The following PRRX2 variants were observed in gnomAD, a reference collection of about 807,000 sequenced individuals.
The protein encoded by PRRX2 is paired mesoderm homeobox protein 2.
Under a neutral mutation model 18.0 loss-of-function variants are expected in PRRX2, and 11 were observed. The ratio of observed to expected loss-of-function variants is 0.61; its 90% CI spans 0.39 to 1.01. The LOEUF (loss-of-function observed/expected upper bound fraction) is 1.01. PRRX2 is among the 50% of genes least tolerant of loss of function. PRRX2 has a pLI of 0.01. For missense variants in PRRX2, 387 were observed against 351.0 expected, an observed-to-expected ratio of 1.10 and a Z score of -0.82; for synonymous variants, 177 against 154.8, an observed-to-expected ratio of 1.14 and a Z score of -1.06.
intron 1 of PRRX2, among the ~76,000 whole-genome samples, chr9:129,669,009 T>A (rs1262511006): frequency 2.0e-5 from 3 of 149,304 alleles, no homozygotes. Flanking sequence ...TAGTCAGGTG[T>A]GGTGACAGAC....
intron 1 of PRRX2, among the ~76,000 whole-genome samples, chr9:129,676,617 C>G (rs1832164769): frequency 6.6e-6 from 1 of 152,198 alleles, no homozygotes; most frequent in Non-Finnish European, 1.5e-5. Context: ...CCCCTGCCCT[C>G]AGACGGCTTC....
intron 3 of PRRX2, among the ~76,000 whole-genome samples, chr9:129,721,239 C>T (rs900204175): frequency 1.1e-4 from 17 of 152,174 alleles, no homozygotes; most frequent in South Asian, 6.2e-4. Flanking sequence ...ACCCTCCAGA[C>T]GAGAAACTGA....
At chr9:129,719,934 C>G (rs1415490543) in intron 2 of PRRX2, among the ~76,000 whole-genome samples, 1 of 152,200 alleles carries the variant, frequency 6.6e-6, no homozygotes, top group Non-Finnish European at 1.5e-5. Context: ...TTGCAGTAAG[C>G]TGAGATTGCG....
chr9:129,698,257 C>CGGG (rs56233939), intron 1 of PRRX2, among the ~76,000 whole-genome samples: 26 of 20,580 alleles, frequency 1.3e-3, no homozygotes, highest in South Asian at 2.4e-3. Flanking sequence ...TTGGATGGGG[C>CGGG]GGGGGGGGGG....
intron 1 of PRRX2, among the ~76,000 whole-genome samples, chr9:129,718,986 C>T (rs1422519369): frequency 6.6e-6 from 1 of 152,146 alleles, no homozygotes; most frequent in Non-Finnish European, 1.5e-5. Flanking sequence ...GGTGTGGCTG[C>T]TTTTGTTCTC....
At chr9:129,673,471 C>T (rs1037664223) in intron 1 of PRRX2, among the ~76,000 whole-genome samples, 7 of 152,036 alleles carry the variant, frequency 4.6e-5, no homozygotes, top group Non-Finnish European at 5.9e-5. Flanking sequence ...AATAAAAAAA[C>T]GAAACAAACA....
At chr9:129,674,756 CCCAG>C in intron 1 of PRRX2, among the ~76,000 whole-genome samples, 4 of 152,154 alleles carry the variant, frequency 2.6e-5, no homozygotes, top group Non-Finnish European at 5.9e-5. Context: ...CCTCGCCTTG[CCCAG>C]CTCTACAGCT....
rs115894491 is a variant in PRRX2, at chr9:129,715,440, A to G, written c.260-3791A>G. On this transcript the variant is annotated intron_variant, in intron 1 of 3. Coordinates refer to ENST00000372469, the MANE Select transcript of PRRX2 (RefSeq NM_016307.4). The surrounding 1 kb of genome is among the most constrained non-coding windows in gnomAD (Gnocchi z 4.0). Reference sequence around the variant, plus strand: ...GACCTCATCTCTACATTAAAATAAAAATCAGCTGGGCATGGTGGCAGGCAC... The same window carrying G: ...GACCTCATCTCTACATTAAAATAAAGATCAGCTGGGCATGGTGGCAGGCAC... Among the ~76,000 whole-genome samples, 4,163 of 152,086 alleles carry G rather than the reference A, an allele frequency of 0.027. 304 individuals carry two copies. In the East Asian group the frequency reaches 0.3, roughly 11 times the overall value.
rs532334923 is a variant in PRRX2, at chr9:129,695,505, T to G, written c.260-23726T>G. Reference sequence around the variant, plus strand: ...GTTTTTATACACCCCACAGCCTTGTTGTGTTTACCCCCTTTTCAGGCCTGC... The same window carrying G: ...GTTTTTATACACCCCACAGCCTTGTGGTGTTTACCCCCTTTTCAGGCCTGC... On this transcript the variant is annotated intron_variant, in intron 1 of 3. Coordinates refer to ENST00000372469, the MANE Select transcript of PRRX2 (RefSeq NM_016307.4). This position sits in a 1 kb window ranked among gnomAD's most constrained non-coding sequence, Gnocchi z 4.8. Among the ~76,000 whole-genome samples the G allele has an allele frequency of 6.6e-6, 1 of 152,326 alleles. No homozygotes were observed. The highest frequency in any genetic ancestry group is 1.9e-4 in the East Asian group (1 of 5,176).
intron 1 of PRRX2, among the ~76,000 whole-genome samples, chr9:129,686,578 C>T (rs1443891127): frequency 6.6e-6 from 1 of 152,140 alleles, no homozygotes; most frequent in Non-Finnish European, 1.5e-5. Context: ...AGTGATTCTC[C>T]CACCTCAGCC....
Position 129,722,510 on chromosome 9 carries a change from G to C in PRRX2, c.*158G>C. 1.3e-6 allele frequency: 1 copy of C among 776,116 alleles called. No individual in the cohort carries two copies. The highest frequency in any genetic ancestry group is 1.8e-6 in the Non-Finnish European group (1 of 571,098). 48.1% of individuals were successfully genotyped at this position (776,116 alleles called of 1,614,324 possible). On this transcript the variant is annotated 3_prime_UTR_variant, in exon 4 of 4. Transcript: ENST00000372469. ...CGAGGCTGTTGAGGCCCCTGCAGCC[G>C]GGCCCAGCTCTTCTGTCCTTGGCCA...
chr9:129,709,484 T>G lies in PRRX2; in HGVS notation c.260-9747T>G, dbSNP rs1199304636. 6.6e-6 allele frequency among the ~76,000 whole-genome samples: 1 copy of G among 152,190 alleles called. No homozygotes were observed. The highest frequency in any genetic ancestry group is 1.9e-4 in the East Asian group (1 of 5,180). ...CACACTGGCTACCGGCCCCCAGGGC[T>G]GGGAGCAGGTCAGAGCACGGCAGTC... is the stretch of plus-strand genomic sequence containing the variant. On this transcript the variant is annotated intron_variant, in intron 1 of 3. Coordinates refer to ENST00000372469, the MANE Select transcript of PRRX2 (RefSeq NM_016307.4). This position sits in a 1 kb window ranked among gnomAD's most constrained non-coding sequence, Gnocchi z 4.2.
At chr9:129,677,249 C>A (rs1300278914) in intron 1 of PRRX2, among the ~76,000 whole-genome samples, 1 of 152,244 alleles carries the variant, frequency 6.6e-6, no homozygotes, top group Non-Finnish European at 1.5e-5. Flanking sequence ...GAGCCTCTCA[C>A]TGAATCACTC....
chr9:129,688,589 T>C (rs1832321759), intron 1 of PRRX2, among the ~76,000 whole-genome samples: 1 of 152,208 alleles, frequency 6.6e-6, no homozygotes, highest in Admixed American at 6.5e-5. Context: ...CTCTTGACTC[T>C]GAAGGAGAAC....
intron 1 of PRRX2, among the ~76,000 whole-genome samples, chr9:129,678,505 C>G (rs729524): frequency 6.6e-6 from 1 of 151,884 alleles, no homozygotes; most frequent in African/African-American, 2.4e-5. Context: ...GGTTCAGGGA[C>G]GGTTTCCTGG....
At chr9:129,676,822 GCT>G (rs992377845) in intron 1 of PRRX2, among the ~76,000 whole-genome samples, 3 of 152,174 alleles carry the variant, frequency 2.0e-5, no homozygotes, top group Non-Finnish European at 4.4e-5. Flanking sequence ...GCTCAGAGGG[GCT>G]CTGTCCTCAA....
intron 1 of PRRX2, among the ~76,000 whole-genome samples, chr9:129,684,458 A>ACACACACC (rs375037713): frequency 1.0e-3 from 123 of 118,688 alleles, no homozygotes; most frequent in Middle Eastern, 4.7e-3. Flanking sequence ...ACACACACAC[A>ACACACACC]CCCAACAGAA....
intron 1 of PRRX2, among the ~76,000 whole-genome samples, chr9:129,679,299 C>T (rs1455974152): frequency 6.6e-6 from 1 of 152,062 alleles, no homozygotes; most frequent in East Asian, 1.9e-4. Flanking sequence ...GGAGGGAGTC[C>T]GGGGTGCTGC....
intron 1 of PRRX2, among the ~76,000 whole-genome samples, chr9:129,678,094 G>A (rs1832183991): frequency 6.6e-6 from 1 of 151,644 alleles, no homozygotes; most frequent in South Asian, 2.1e-4. Context: ...CTCTCGAGTA[G>A]CTAGAATTAC....
Sources: gnomAD v4.1 joint callset for allele counts (sites outside exome capture counted in the v4.1 genomes callset) on GRCh38, gnomAD v4.1.1 for gene constraint, Gnocchi (gnomAD v3.1) non-coding constraint, MANE v1.5 for transcripts, NCBI Gene and HGNC (gene_info 2026-07-23, HGNC 2026-07-21) for gene names.